ZBTB7C: variants seen among roughly 807,000 people sequenced by gnomAD.
The protein encoded by ZBTB7C is zinc finger and BTB domain-containing protein 7C.
ZBTB7C carries 8 observed loss-of-function variants against 25.7 expected under a neutral mutation model. The ratio of observed to expected loss-of-function variants is 0.31; its 90% confidence interval spans 0.18 to 0.56. The LOEUF (loss-of-function observed/expected upper bound fraction) is 0.56, where lower values mean the gene tolerates loss of function less well. Among genes scored for constraint, ZBTB7C ranks in the 20% least tolerant of loss-of-function variants. The pLI is 0.91. For missense variants in ZBTB7C, 824 were observed against 855.2 expected (o/e 0.96, Z 0.46); for synonymous variants, 394 against 369.0 (o/e 1.07, Z -0.78).
chr18:48,129,924 C>T (rs1409648112), intron 3 of ZBTB7C, among the ~76,000 whole-genome samples: 1 of 152,212 alleles, frequency 6.6e-6, no homozygotes, highest in Non-Finnish European at 1.5e-5. Flanking sequence ...CCTCCCTTTC[C>T]CTCCTCTGCC....
Position 48,027,659 on chromosome 18 carries a change from TTG to T in ZBTB7C, c.*1599_*1600del, listed in dbSNP as rs2035569813. The T allele has an allele frequency of 6.6e-6, 1 of 152,226 alleles. No individual in the cohort carries two copies. Among genetic ancestry groups the T allele is most frequent in the Non-Finnish European group, 1.5e-5 (1 of 68,058 alleles). 9.4% of individuals were successfully genotyped at this position (152,226 alleles called of 1,614,324 possible). On this transcript the variant is annotated 3_prime_UTR_variant, in exon 5 of 5. Coordinates refer to ENST00000590800, the MANE Select transcript of ZBTB7C (RefSeq NM_001318841.2). Reference sequence around the variant, plus strand: ...TGCTCTTCTCTGGCCTTTTTGTTTGTTGTGTTTTTGCTCAGGAAAAAGCCAAG... The same window carrying T: ...TGCTCTTCTCTGGCCTTTTTGTTTGTTGTTTTTGCTCAGGAAAAAGCCAAG...
At chr18:48,133,753 C>A (rs975094680) in intron 3 of ZBTB7C, among the ~76,000 whole-genome samples, 1 of 152,150 alleles carries the variant, frequency 6.6e-6, no homozygotes, top group African/African-American at 2.4e-5. Context: ...CAATCTCTGA[C>A]TAATATGAAG....
At chr18:48,192,606 C>A (rs1041964981) in intron 2 of ZBTB7C, among the ~76,000 whole-genome samples, 1 of 152,150 alleles carries the variant, frequency 6.6e-6, no homozygotes. Context: ...GGGACTATAG[C>A]CCGTGGCACC....
chr18:48,062,087 T>C (rs546130909), intron 3 of ZBTB7C, among the ~76,000 whole-genome samples: 1 of 152,334 alleles, frequency 6.6e-6, no homozygotes, highest in African/African-American at 2.4e-5. Context: ...AAGGAAAACA[T>C]GAGAGAATCT....
intron 3 of ZBTB7C, among the ~76,000 whole-genome samples, chr18:48,155,817 T>C (rs189195619): frequency 6.6e-6 from 1 of 152,116 alleles, no homozygotes; most frequent in Admixed American, 6.5e-5. Context: ...TGCAAACCAA[T>C]CTAGGGTTAG....
chr18:48,094,295 C>G (rs548280042), intron 3 of ZBTB7C, among the ~76,000 whole-genome samples: 1 of 152,292 alleles, frequency 6.6e-6, no homozygotes, highest in Non-Finnish European at 1.5e-5. Flanking sequence ...ATTTCAGTGA[C>G]TACCCAAGAT....
At chr18:48,137,620 C>G (rs1168697887) in intron 3 of ZBTB7C, among the ~76,000 whole-genome samples, 2 of 152,146 alleles carry the variant, frequency 1.3e-5, no homozygotes, top group East Asian at 3.9e-4. Context: ...TGTAACTTAA[C>G]CAAATCAAAC....
intron 2 of ZBTB7C, among the ~76,000 whole-genome samples, chr18:48,265,993 T>C (rs2044302607): frequency 6.6e-6 from 1 of 152,122 alleles, no homozygotes; most frequent in African/African-American, 2.4e-5. Flanking sequence ...TAGCAGAATG[T>C]TCTCGTTTAT....
chr18:48,354,514 A>AC (rs1308535950), intron 1 of ZBTB7C, among the ~76,000 whole-genome samples: 1 of 152,098 alleles, frequency 6.6e-6, no homozygotes, highest in African/African-American at 2.4e-5. Flanking sequence ...AAAAGGACAC[A>AC]CCCCAGATGT....
intron 3 of ZBTB7C, among the ~76,000 whole-genome samples, chr18:48,128,602 G>T (rs1440507634): frequency 6.6e-6 from 1 of 152,244 alleles, no homozygotes; most frequent in African/African-American, 2.4e-5. Context: ...AGTAACTCAG[G>T]AATGGAAAAC....
chr18:48,032,264 C>T (rs972413027), intron 4 of ZBTB7C, among the ~76,000 whole-genome samples: 3 of 151,758 alleles, frequency 2.0e-5, no homozygotes, highest in East Asian at 3.9e-4. Flanking sequence ...CAGGCATGCA[C>T]CACCACGCCC....
chr18:48,050,024 G>T (rs1424922276), intron 3 of ZBTB7C, among the ~76,000 whole-genome samples: 1 of 152,182 alleles, frequency 6.6e-6, no homozygotes, highest in East Asian at 1.9e-4. Context: ...TGGCTGAGGT[G>T]GGGGTGGGAG....
intron 3 of ZBTB7C, chr18:48,150,110 CATA>C (rs2040628774): frequency 6.6e-6 from 1 of 152,096 alleles, no homozygotes; most frequent in South Asian, 2.1e-4. Context: ...GGCCTGCAAG[CATA>C]ATTTCTTTTA....
intron 2 of ZBTB7C, among the ~76,000 whole-genome samples, chr18:48,217,408 T>C (rs534005040): frequency 6.6e-6 from 1 of 152,278 alleles, no homozygotes; most frequent in Admixed American, 6.5e-5. Context: ...AGGCCTCTCC[T>C]GCAGCGTAAG....
chr18:48,032,548 C>T (rs2035808113), intron 4 of ZBTB7C, among the ~76,000 whole-genome samples: 1 of 150,006 alleles, frequency 6.7e-6, no homozygotes. Flanking sequence ...AATTCTCCTG[C>T]CTCAGCCTCC....
At chr18:48,265,966 G>A (rs2144540990) in intron 2 of ZBTB7C, among the ~76,000 whole-genome samples, 1 of 152,256 alleles carries the variant, frequency 6.6e-6, no homozygotes, top group East Asian at 1.9e-4. Context: ...GGTTTTGGTG[G>A]CTGTGGTGTG....
At chr18:48,084,934 C>T (rs8093066) in intron 3 of ZBTB7C, among the ~76,000 whole-genome samples, 3,433 of 152,242 alleles carry the variant, frequency 0.023, 121 homozygotes, top group African/African-American at 0.072. Flanking sequence ...GAAGCTTCCC[C>T]GCTGACTGAT....
intron 3 of ZBTB7C, among the ~76,000 whole-genome samples, chr18:48,079,968 G>C (rs1257723747): frequency 6.6e-6 from 1 of 152,240 alleles, no homozygotes; most frequent in Non-Finnish European, 1.5e-5. Context: ...CCACTCCTCT[G>C]ACAGCAGCAC....
At chr18:48,197,127 G>T (rs2042335891) in intron 2 of ZBTB7C, among the ~76,000 whole-genome samples, 1 of 152,182 alleles carries the variant, frequency 6.6e-6, no homozygotes, top group African/African-American at 2.4e-5. Flanking sequence ...TGTGGAAGGT[G>T]CATGCAAGGC....
Sources: allele counts gnomAD v4.1 joint callset (sites outside exome capture counted in the v4.1 genomes callset), GRCh38; gene constraint gnomAD v4.1.1; transcripts MANE v1.5; gene names NCBI Gene and HGNC (gene_info 2026-07-23, HGNC 2026-07-21).